Variants in RORA observed in about 807,000 individuals in gnomAD.
RORA encodes nuclear receptor ROR-alpha.
Under a neutral mutation model 69.5 loss-of-function variants are expected in RORA, and 7 were observed. The observed-to-expected ratio is 0.10, with a 90% confidence interval of 0.06 to 0.19. The LOEUF is 0.19. Among genes scored for constraint, RORA ranks in the 10% least tolerant of loss-of-function variants. RORA has a pLI of 1.00. For synonymous variants in RORA, 261 were observed against 240.8 expected (o/e 1.08, Z -0.78); for missense variants, 457 against 663.0 (o/e 0.69, Z 3.41).
chr15:61,217,114 T>C (rs1389514140), intron 1 of RORA, among the ~76,000 whole-genome samples: 1 of 152,172 alleles, frequency 6.6e-6, no homozygotes, highest in East Asian at 1.9e-4. Context: ...AGTGCCTAGC[T>C]GGTGTACTGA....
intron 2 of RORA, chr15:60,592,930 G>A (rs1375525755): frequency 2.2e-6 from 1 of 455,704 alleles, no homozygotes; most frequent in South Asian, 1.6e-5. Flanking sequence ...CTGGCTTGCC[G>A]GAGCACTCGG....
At chr15:61,020,730 G>A (rs967836462) in intron 1 of RORA, among the ~76,000 whole-genome samples, 2 of 152,126 alleles carry the variant, frequency 1.3e-5, no homozygotes, top group African/African-American at 4.8e-5. Context: ...TGAACTTGAA[G>A]CTGGAATTCC....
chr15:60,847,137 C>T (rs963520301), intron 1 of RORA, among the ~76,000 whole-genome samples: 1 of 152,074 alleles, frequency 6.6e-6, no homozygotes, highest in Admixed American at 6.6e-5. Flanking sequence ...TAACCTCTGC[C>T]CTTGTTTTCA....
chr15:61,016,687 C>T lies in RORA; in HGVS notation c.166+212366G>A, dbSNP rs187366196. 1.4e-4 allele frequency among the ~76,000 whole-genome samples: 22 copies of T among 152,196 alleles called. No homozygotes were observed. In the East Asian group the frequency reaches 4.3e-3, roughly 29 times the overall value. On this transcript the variant is annotated intron_variant, in intron 1 of 10. Transcript: ENST00000335670. ...TGAAGCACACCCCAGAGAATCTGCC[C>T]GGAGGTTTCGCGACCCATAAGGAGT...
intron 1 of RORA, among the ~76,000 whole-genome samples, chr15:61,037,022 C>T (rs757811909): frequency 4.6e-5 from 7 of 151,996 alleles, no homozygotes; most frequent in Non-Finnish European, 7.4e-5. Context: ...TTTTGTCAGG[C>T]GGCAACAGGG....
intron 1 of RORA, among the ~76,000 whole-genome samples, chr15:60,710,962 G>A (rs975328519): frequency 6.6e-6 from 1 of 152,086 alleles, no homozygotes; most frequent in African/African-American, 2.4e-5. Flanking sequence ...CTTAGAGGTG[G>A]GCAGACAAGG....
intron 1 of RORA, among the ~76,000 whole-genome samples, chr15:60,943,987 A>G (rs1210929682): frequency 2.6e-5 from 4 of 151,220 alleles, no homozygotes; most frequent in Admixed American, 6.6e-5. Context: ...AAATGAGCAT[A>G]AATATATCAC....
chr15:60,753,010 T>G (rs1185115285), intron 1 of RORA, among the ~76,000 whole-genome samples: 2 of 152,202 alleles, frequency 1.3e-5, no homozygotes, highest in African/African-American at 4.8e-5. Context: ...GACTTGAATT[T>G]TTTTACTCTG....
intron 1 of RORA, among the ~76,000 whole-genome samples, chr15:60,821,966 A>G (rs2072898746): frequency 6.6e-6 from 1 of 152,254 alleles, no homozygotes; most frequent in Non-Finnish European, 1.5e-5. Context: ...TGCTGAATAA[A>G]TAAAGGAAAT....
In RORA at chr15:60,889,990, G is replaced by A. The variant is rs148968189; in HGVS notation, c.167-211304C>T. Among the ~76,000 whole-genome samples the A allele has an allele frequency of 1.2e-3, 177 of 152,178 alleles. 1 individual carries two copies. Among genetic ancestry groups the A allele is most frequent in the African/African-American group, 3.1e-3 (129 of 41,536 alleles). ...GTAATTTACCAACTTTGAAAATAGA[G>A]GAAAATGTATCATACATGTATTCAT... On this transcript the variant is annotated intron_variant, in intron 1 of 10. Coordinates refer to ENST00000335670, the MANE Select transcript of RORA (RefSeq NM_134261.3).
At chr15:60,750,934 T>G (rs528315566) in intron 1 of RORA, among the ~76,000 whole-genome samples, 95 of 152,266 alleles carry the variant, frequency 6.2e-4, no homozygotes, top group African/African-American at 2.2e-3. Flanking sequence ...AACTCCAGGT[T>G]GGATGTCCCT....
chr15:60,613,916 C>T (rs1166068045), intron 2 of RORA, among the ~76,000 whole-genome samples: 1 of 148,888 alleles, frequency 6.7e-6, no homozygotes, highest in Non-Finnish European at 1.5e-5. Context: ...TTCAGACAAA[C>T]AACTGATATC....
chr15:60,857,558 A>G (rs2073393883), intron 1 of RORA, among the ~76,000 whole-genome samples: 1 of 151,990 alleles, frequency 6.6e-6, no homozygotes, highest in African/African-American at 2.4e-5. Context: ...CTCCTTTCCC[A>G]TACAAACAGA....
chr15:61,101,244 C>T (rs1022734911), intron 1 of RORA, among the ~76,000 whole-genome samples: 1 of 151,830 alleles, frequency 6.6e-6, no homozygotes, highest in African/African-American at 2.4e-5. Context: ...AGGGTAGGGA[C>T]GGTTAATAGA....
chr15:60,796,601 T>C (rs1294920180), intron 1 of RORA, among the ~76,000 whole-genome samples: 2 of 152,160 alleles, frequency 1.3e-5, no homozygotes, highest in Non-Finnish European at 2.9e-5. Context: ...GTTGTCACTA[T>C]GTAAAGCAAT....
chr15:60,945,069 G>A (rs1159386409), intron 1 of RORA, among the ~76,000 whole-genome samples: 1 of 152,170 alleles, frequency 6.6e-6, no homozygotes, highest in Non-Finnish European at 1.5e-5. Flanking sequence ...ATTGGCTTAA[G>A]AGCAGAGAGG....
intron 1 of RORA, among the ~76,000 whole-genome samples, chr15:61,207,162 A>G (rs1457159418): frequency 6.6e-6 from 1 of 152,214 alleles, no homozygotes; most frequent in Non-Finnish European, 1.5e-5. Context: ...ACACATGCAC[A>G]CACACACATA....
chr15:60,627,437 T>C (rs1456393129), intron 2 of RORA: 2 of 1,607,138 alleles, frequency 1.2e-6, no homozygotes, highest in Non-Finnish European at 1.7e-6. Context: ...CAGTGTACTA[T>C]GGAGTCCAAG....
intron 1 of RORA, among the ~76,000 whole-genome samples, chr15:61,099,177 A>C (rs1216408151): frequency 6.6e-6 from 1 of 152,226 alleles, no homozygotes; most frequent in Non-Finnish European, 1.5e-5. Flanking sequence ...GAACATATCT[A>C]ATTACGGTTT....
Sources: allele counts gnomAD v4.1 joint callset (sites outside exome capture counted in the v4.1 genomes callset), GRCh38; gene constraint gnomAD v4.1.1; transcripts MANE v1.5; gene names NCBI Gene and HGNC (gene_info 2026-07-23, HGNC 2026-07-21).